Variants in RASSF3 observed in about 807,000 individuals in gnomAD.
RASSF3 encodes Ras association domain family member 3.
A neutral mutation model predicts 19.9 loss-of-function variants in RASSF3; 19 were observed. The ratio of observed to expected loss-of-function variants is 0.96; its 90% CI spans 0.67 to 1.40. The LOEUF (loss-of-function observed/expected upper bound fraction) is 1.40, where lower values mean the gene tolerates loss of function less well. Ranked by LOEUF, RASSF3 falls within the 40% of genes most tolerant of loss-of-function variation. The pLI is 0.00. For synonymous variants in RASSF3, 110 were observed against 104.2 expected, an observed-to-expected ratio of 1.06 and a Z score of -0.34; for missense variants, 306 against 289.8, an observed-to-expected ratio of 1.06 and a Z score of -0.41.
intron 2 of RASSF3, 133 bp downstream of exon 2, chr12:64,685,027 A>C (rs955198882): frequency 1.9e-5 from 11 of 564,694 alleles, no homozygotes; most frequent in Non-Finnish European, 3.1e-5. Context: ...ACAGAACAGG[A>C]AAGTGGAATA....
chr12:64,536,052 G>A (rs1297846897), intron 1 of RASSF3, among the ~76,000 whole-genome samples: 1 of 137,496 alleles, frequency 7.3e-6, no homozygotes, highest in Admixed American at 7.8e-5. Flanking sequence ...AGGCTGGAGT[G>A]CAGTGGCACA....
chr12:64,631,588 T>TA (rs1871170478), intron 1 of RASSF3, among the ~76,000 whole-genome samples: 1 of 148,246 alleles, frequency 6.7e-6, no homozygotes, highest in Non-Finnish European at 1.5e-5. Context: ...TGTATGTATG[T>TA]TGAGACATAG....
intron 1 of RASSF3, among the ~76,000 whole-genome samples, chr12:64,644,721 T>A (rs1248988254): frequency 5.3e-5 from 2 of 37,512 alleles, no homozygotes; most frequent in Non-Finnish European, 1.2e-4. Context: ...CAAACAAAAA[T>A]ATATATAATG....
rs1405954755 is a variant in RASSF3, at chr12:64,648,517, A to G, written c.112-36270A>G. On this transcript the variant is annotated intron_variant, in intron 1 of 4. Transcript: ENST00000542104. ...GGGTGTGGTGTCAGAATCACTCATA[A>G]AGCTTTTTTTTTTTTTGAGATGGAG... 3.6e-4 allele frequency among the ~76,000 whole-genome samples: 54 copies of G among 151,188 alleles called. 1 individual carries two copies. The highest frequency in any genetic ancestry group is 3.6e-3 in the Admixed American group (54 of 15,150).
chr12:64,584,140 A>G (rs1269766981), intron 2 of RASSF3, among the ~76,000 whole-genome samples: 1 of 152,230 alleles, frequency 6.6e-6, no homozygotes, highest in African/African-American at 2.4e-5. Context: ...ATAACTTATG[A>G]GCTGCAGCAA....
At chr12:64,648,490 G>T (rs868563345) in intron 1 of RASSF3, among the ~76,000 whole-genome samples, 1 of 151,970 alleles carries the variant, frequency 6.6e-6, no homozygotes, top group Non-Finnish European at 1.5e-5. Context: ...TTAACCAGCG[G>T]TGGGTGTGGT....
intron 1 of RASSF3, among the ~76,000 whole-genome samples, chr12:64,541,294 CTTAAT>C (rs1383405370): frequency 6.6e-6 from 1 of 152,052 alleles, no homozygotes; most frequent in African/African-American, 2.4e-5. Flanking sequence ...CCAATGTTGT[CTTAAT>C]TTAAACCTTG....
chr12:64,543,432 CG>C (rs1868981280), downstream of RASSF3, among the ~76,000 whole-genome samples: 6 of 72,012 alleles, frequency 8.3e-5, no homozygotes, highest in Admixed American at 4.5e-4. Context: ...GCTCCCCGCC[CG>C]CCCCCCCCGT....
At chr12:64,661,378 AG>A (rs571037173) in intron 1 of RASSF3, among the ~76,000 whole-genome samples, 1 of 152,124 alleles carries the variant, frequency 6.6e-6, no homozygotes, top group Non-Finnish European at 1.5e-5. Flanking sequence ...CTAGCTATTC[AG>A]GAGGCTGAGA....
intron 2 of RASSF3, among the ~76,000 whole-genome samples, chr12:64,570,156 C>G (rs1565841035): frequency 6.6e-6 from 1 of 152,162 alleles, no homozygotes; most frequent in Non-Finnish European, 1.5e-5. Flanking sequence ...CTATAAAGTT[C>G]ACAAGCTTTA....
At position 64,688,425 on chromosome 12, in the gene RASSF3, T is replaced by G. The variant is rs754389153; in HGVS notation, c.429T>G (p.Leu143=). 6.2e-7 allele frequency: 1 copy of G among 1,614,068 alleles called. No homozygotes were observed. The highest frequency in any genetic ancestry group is 8.5e-7 in the Non-Finnish European group (1 of 1,179,930). ...CTGAGAGCCCTGCCAAGTTTGCACT[T>G]TATAAGCGTTGTCACAGGGAAGACC... ...LVTESPAKFA[L]YKRCHREDQV... is the part of the protein sequence containing the mutation. The change falls in exon 3 of 5, where the codon CTT becomes CTG. Residue 143 remains leucine, a synonymous_variant. Coordinates refer to ENST00000542104, the MANE Select transcript of RASSF3 (RefSeq NM_178169.4).
At chr12:64,684,436 T>TTG (rs35407969) in intron 1 of RASSF3, among the ~76,000 whole-genome samples, 22 of 91,232 alleles carry the variant, frequency 2.4e-4, no homozygotes, top group Admixed American at 5.1e-4. Context: ...TGTTTGTTTG[T>TTG]TTTTTTTTTT....
At chr12:64,616,105 C>T (rs1458886097) in intron 1 of RASSF3, among the ~76,000 whole-genome samples, 3 of 152,152 alleles carry the variant, frequency 2.0e-5, no homozygotes, top group Non-Finnish European at 2.9e-5. Context: ...TGTTCTTACA[C>T]GATATTAATC....
chr12:64,607,670 C>T (rs759167687), upstream of RASSF3, among the ~76,000 whole-genome samples: 8 of 152,096 alleles, frequency 5.3e-5, no homozygotes, highest in Non-Finnish European at 8.8e-5. Flanking sequence ...CCACCTCACT[C>T]GGCCCTTTCC....
At chr12:64,616,053 G>A (rs1870541377) in intron 1 of RASSF3, among the ~76,000 whole-genome samples, 1 of 152,120 alleles carries the variant, frequency 6.6e-6, no homozygotes, top group Admixed American at 6.5e-5. Context: ...TTTGCCTAGG[G>A]CAAGGTGATT....
At chr12:64,566,815 C>T (rs1160330854) in intron 2 of RASSF3, among the ~76,000 whole-genome samples, 1 of 152,214 alleles carries the variant, frequency 6.6e-6, no homozygotes, top group African/African-American at 2.4e-5. Flanking sequence ...TTATGCATGC[C>T]TGTCCCTGTC....
chr12:64,606,150 A>C (rs1461788932), upstream of RASSF3, among the ~76,000 whole-genome samples: 1 of 152,040 alleles, frequency 6.6e-6, no homozygotes, highest in African/African-American at 2.4e-5. Flanking sequence ...CCTAAAAGGC[A>C]CCAAGCCAGG....
intron 1 of RASSF3, among the ~76,000 whole-genome samples, chr12:64,639,164 G>A (rs901741515): frequency 1.3e-5 from 2 of 152,290 alleles, no homozygotes; most frequent in East Asian, 3.9e-4. Flanking sequence ...TTTTGAAGCT[G>A]TAATGGCGCT....
chr12:64,609,033 C>T (rs1313132800), upstream of RASSF3, among the ~76,000 whole-genome samples: 1 of 152,120 alleles, frequency 6.6e-6, no homozygotes, highest in Non-Finnish European at 1.5e-5. Context: ...TACTAGTTTA[C>T]AAGATGGATG....
Sources: allele counts gnomAD v4.1 joint callset (sites outside exome capture counted in the v4.1 genomes callset), GRCh38; gene constraint gnomAD v4.1.1; transcripts MANE v1.5; gene names NCBI Gene and HGNC (gene_info 2026-07-23, HGNC 2026-07-21).